The following OLA1 variants were observed in gnomAD, a reference collection of about 807,000 sequenced individuals.
OLA1 encodes the protein obg-like ATPase 1.
In OLA1, 14 loss-of-function variants were observed where a neutral mutation model predicts 48.4. That is an observed-to-expected ratio of 0.29 (90% CI 0.19 to 0.45). The LOEUF (loss-of-function observed/expected upper bound fraction) is 0.45, where lower values mean the gene tolerates loss of function less well. OLA1 is among the 20% of genes least tolerant of loss of function. OLA1 has a pLI of 1.00. For synonymous variants in OLA1, 127 were observed against 150.4 expected, an observed-to-expected ratio of 0.84 and a Z score of 1.14; for missense variants, 325 against 467.1, an observed-to-expected ratio of 0.70 and a Z score of 2.80.
chr2:174,114,373 A>AAAAG (rs1685732298), intron 7 of OLA1, among the ~76,000 whole-genome samples: 1 of 131,078 alleles, frequency 7.6e-6, no homozygotes, highest in South Asian at 2.4e-4. Flanking sequence ...AAAAAAAAAA[A>AAAAG]GCTAAATCAA....
intron 5 of OLA1, among the ~76,000 whole-genome samples, chr2:174,125,015 T>C (rs778040884): frequency 2.0e-4 from 30 of 152,344 alleles, no homozygotes; most frequent in Middle Eastern, 3.4e-3. Flanking sequence ...TACTCTTCTA[T>C]AACTGAATTT....
chr2:174,077,222 G>C (rs1351396674), intron 10 of OLA1, among the ~76,000 whole-genome samples: 1 of 152,158 alleles, frequency 6.6e-6, no homozygotes, highest in East Asian at 1.9e-4. Context: ...CTAATAATGT[G>C]ATATCCCTGT....
rs1196302100 is a variant in OLA1 at position 174,078,956 on chromosome 2, A to G, written c.1089+12T>C. ...AACATTGTGAAATACAAAAATAAAAACAATTCTTTACCTTGACTGCATTTT... is the reference window on the plus strand; with the variant it reads ...AACATTGTGAAATACAAAAATAAAAGCAATTCTTTACCTTGACTGCATTTT... On this transcript the variant is annotated intron_variant, in intron 10 of 10. Coordinates refer to ENST00000284719, the MANE Select transcript of OLA1 (RefSeq NM_013341.5). 4.4e-6 allele frequency: 7 copies of G among 1,591,732 alleles called. No homozygotes were observed. The East Asian group carries it at 1.3e-4, about 31-fold the overall frequency.
chr2:174,233,437 G>A (rs191368934), intron 2 of OLA1, among the ~76,000 whole-genome samples: 13 of 152,162 alleles, frequency 8.5e-5, no homozygotes, highest in Admixed American at 3.9e-4. Context: ...GCAGTGTCAC[G>A]ATCTCGGCTT....
At chr2:174,124,973 T>G (rs1296694198) in intron 5 of OLA1, among the ~76,000 whole-genome samples, 1 of 152,138 alleles carries the variant, frequency 6.6e-6, no homozygotes, top group Non-Finnish European at 1.5e-5. Flanking sequence ...TTTAATGAAA[T>G]CTAACATGTT....
chr2:174,165,079 T>C (rs949970270), intron 4 of OLA1, among the ~76,000 whole-genome samples: 6 of 152,196 alleles, frequency 3.9e-5, no homozygotes, highest in Non-Finnish European at 8.8e-5. Flanking sequence ...TGATCATGTA[T>C]TGCATGAAAC....
chr2:174,131,917 C>G (rs893341369), intron 5 of OLA1, among the ~76,000 whole-genome samples: 9 of 152,064 alleles, frequency 5.9e-5, no homozygotes, highest in African/African-American at 2.2e-4. Flanking sequence ...TGACCTCACA[C>G]AAGTTTTTCC....
At chr2:174,084,771 G>A (rs1375674851) in intron 7 of OLA1, among the ~76,000 whole-genome samples, 2 of 152,170 alleles carry the variant, frequency 1.3e-5, no homozygotes, top group African/African-American at 4.8e-5. Context: ...GTTGAGCTCA[G>A]TACCACTACT....
At chr2:174,241,260 G>A (rs1688994048) in intron 2 of OLA1, among the ~76,000 whole-genome samples, 1 of 152,200 alleles carries the variant, frequency 6.6e-6, no homozygotes, top group African/African-American at 2.4e-5. Flanking sequence ...GGATCCCAAT[G>A]AGACTGGCAG....
chr2:174,142,433 A>T (rs1686476674), intron 4 of OLA1, among the ~76,000 whole-genome samples: 1 of 152,164 alleles, frequency 6.6e-6, no homozygotes, highest in African/African-American at 2.4e-5. Flanking sequence ...CTACTTTATC[A>T]CTGTGGTTCT....
At chr2:174,166,007 C>G (rs961993245) in intron 4 of OLA1, among the ~76,000 whole-genome samples, 40 of 151,780 alleles carry the variant, frequency 2.6e-4, no homozygotes, top group Non-Finnish European at 8.8e-5. Flanking sequence ...TGCCTGTAGT[C>G]CCCAGCTACT....
chr2:174,165,343 A>T (rs562540135), intron 4 of OLA1, among the ~76,000 whole-genome samples: 2 of 152,224 alleles, frequency 1.3e-5, no homozygotes, highest in Non-Finnish European at 2.9e-5. Flanking sequence ...TCCAACTGAC[A>T]TAAGAGGTGA....
chr2:174,117,278 C>T (rs1685805632), intron 7 of OLA1, among the ~76,000 whole-genome samples: 1 of 152,122 alleles, frequency 6.6e-6, no homozygotes, highest in South Asian at 2.1e-4. Flanking sequence ...ATTATTTATA[C>T]AGAACACATT....
intron 7 of OLA1, among the ~76,000 whole-genome samples, chr2:174,115,567 G>GT (rs1446138503): frequency 1.3e-5 from 2 of 152,112 alleles, no homozygotes; most frequent in Non-Finnish European, 2.9e-5. Context: ...AAACATATAC[G>GT]TTTTTTCAAG....
At chr2:174,224,932 C>T (rs1443203043) in intron 3 of OLA1, among the ~76,000 whole-genome samples, 1 of 152,166 alleles carries the variant, frequency 6.6e-6, no homozygotes, top group Non-Finnish European at 1.5e-5. Flanking sequence ...CTAAATTCAT[C>T]CTAAATGATA....
intron 4 of OLA1, among the ~76,000 whole-genome samples, chr2:174,156,322 A>C (rs1448812511): frequency 6.6e-6 from 1 of 152,126 alleles, no homozygotes; most frequent in Non-Finnish European, 1.5e-5. Context: ...CACCCCAGCT[A>C]TAAAGATAAA....
intron 5 of OLA1, among the ~76,000 whole-genome samples, chr2:174,139,624 C>T (rs1021732121): frequency 5.3e-5 from 8 of 152,114 alleles, no homozygotes; most frequent in East Asian, 1.9e-4. Context: ...TCCAGCACTT[C>T]GGGAGGCCGA....
chr2:174,075,406 A>G lies in OLA1; in HGVS notation c.*20T>C, dbSNP rs749421391. On this transcript the variant is annotated 3_prime_UTR_variant, in exon 11 of 11. Transcript: ENST00000284719. ...GATGCCTTTTGGAAGTTGTATGTTT[A>G]TCTGAGCAATAACTAAATTTTATTT... is the stretch of plus-strand genomic sequence containing the variant. The G allele has an allele frequency of 2.8e-6, 4 of 1,434,530 alleles. No homozygotes were observed. The South Asian group carries it at 4.7e-5, about 17-fold the overall frequency. The allele number at this position is 1,434,530 out of a possible 1,614,324, so 88.9% of individuals were successfully genotyped here. A position where few individuals can be genotyped will look rare whatever the true frequency, so the allele number is the denominator to read the frequency against.
At chr2:174,179,145 G>A (rs576025642) in intron 4 of OLA1, among the ~76,000 whole-genome samples, 7 of 151,796 alleles carry the variant, frequency 4.6e-5, no homozygotes, top group Admixed American at 3.9e-4. Context: ...ATGCATGCAC[G>A]TATCTTTTAA....
Sources: gnomAD v4.1 joint callset for allele counts (sites outside exome capture counted in the v4.1 genomes callset) on GRCh38, gnomAD v4.1.1 for gene constraint, MANE v1.5 for transcripts, NCBI Gene and HGNC (gene_info 2026-07-23, HGNC 2026-07-21) for gene names.